COBL: variants seen among roughly 807,000 people sequenced by gnomAD.
COBL encodes the protein protein cordon-bleu.
A neutral mutation model predicts 98.8 loss-of-function variants in COBL; 51 were observed. The observed-to-expected ratio is 0.52, with a 90% CI of 0.41 to 0.65. The LOEUF (loss-of-function observed/expected upper bound fraction) is 0.65, where lower values mean the gene tolerates loss of function less well. Ranked by LOEUF, COBL falls within the 30% of genes least tolerant of loss-of-function variation. The pLI is 0.00. For missense variants in COBL, 1,617 were observed against 1,617.5 expected, an observed-to-expected ratio of 1.00 and a Z score of 0.01; for synonymous variants, 634 against 651.7, an observed-to-expected ratio of 0.97 and a Z score of 0.41.
intron 1 of COBL, among the ~76,000 whole-genome samples, chr7:51,310,766 C>T (rs1802952441): frequency 6.6e-6 from 1 of 152,224 alleles, no homozygotes; most frequent in East Asian, 1.9e-4. Context: ...TCAAGCGATT[C>T]TCCTGCCTCA....
intron 6 of COBL, among the ~76,000 whole-genome samples, chr7:51,097,763 C>T (rs1252408760): frequency 2.0e-5 from 3 of 152,106 alleles, no homozygotes; most frequent in Non-Finnish European, 4.4e-5. Flanking sequence ...GTGGCTCACA[C>T]CTGTAATCCC....
chr7:51,265,369 C>A (rs531383278), intron 1 of COBL, among the ~76,000 whole-genome samples: 1 of 152,164 alleles, frequency 6.6e-6, no homozygotes, highest in African/African-American at 2.4e-5. Flanking sequence ...CATCCACTGA[C>A]CCCAGCACGC....
At chr7:51,117,015 T>A (rs945436115) in intron 6 of COBL, among the ~76,000 whole-genome samples, 1 of 152,080 alleles carries the variant, frequency 6.6e-6, no homozygotes, top group Non-Finnish European at 1.5e-5. Context: ...ACATGTGCCA[T>A]GTTGGTGTGC....
rs1359388279 is a variant in COBL at position 51,243,592 on chromosome 7, C to T, written c.42-23648G>A. 2.6e-5 allele frequency among the ~76,000 whole-genome samples: 4 copies of T among 151,940 alleles called. No homozygotes were observed. In the East Asian group the frequency reaches 7.8e-4, roughly 30 times the overall value. ...GCCCTCAGCAGGAAAAAGGAGGCAA[C>T]ATAGCAAGCTGGGTGGAGCCCAAGA... On this transcript the variant is annotated intron_variant, in intron 1 of 12. Transcript: ENST00000265136.
chr7:51,084,482 T>C (rs759732890), intron 7 of COBL, among the ~76,000 whole-genome samples: 2 of 152,080 alleles, frequency 1.3e-5, no homozygotes, highest in Non-Finnish European at 2.9e-5. Flanking sequence ...AAATAACAAA[T>C]GCTGAATGAT....
chr7:51,309,981 A>T (rs1802858870), intron 1 of COBL, among the ~76,000 whole-genome samples: 1 of 152,236 alleles, frequency 6.6e-6, no homozygotes, highest in Non-Finnish European at 1.5e-5. Flanking sequence ...GGGGCAAGAA[A>T]GCTCTCCAGG....
intron 6 of COBL, among the ~76,000 whole-genome samples, chr7:51,107,084 GTTTGTTTGTTTTT>G (rs1477631457): frequency 1.2e-4 from 13 of 109,330 alleles, no homozygotes; most frequent in African/African-American, 4.4e-4. Context: ...TGTGATCCTA[GTTTGTTTGTTTTT>G]TTTTTTTTTT....
chr7:51,163,503 T>A (rs1431011910), intron 5 of COBL, among the ~76,000 whole-genome samples: 1 of 152,250 alleles, frequency 6.6e-6, no homozygotes, highest in Non-Finnish European at 1.5e-5. Context: ...TGTACTGCCC[T>A]AGGGCTTGAA....
intron 7 of COBL, among the ~76,000 whole-genome samples, chr7:51,070,539 G>A (rs1416712925): frequency 1.3e-5 from 2 of 152,080 alleles, no homozygotes; most frequent in African/African-American, 4.8e-5. Context: ...TGTTTGAAAG[G>A]CCCTCACTTT....
At chr7:51,221,375 C>A (rs1793623998) in intron 1 of COBL, among the ~76,000 whole-genome samples, 1 of 152,206 alleles carries the variant, frequency 6.6e-6, no homozygotes, top group Admixed American at 6.5e-5. Flanking sequence ...CAAAGATGGT[C>A]ATCACGACAT....
At chr7:51,034,765 A>G (rs906127216) in intron 8 of COBL, 25 of 152,212 alleles carry the variant, frequency 1.6e-4, no homozygotes, top group African/African-American at 5.8e-4. Context: ...AAACCTGCCC[A>G]GATGTTTTTC....
intron 6 of COBL, among the ~76,000 whole-genome samples, chr7:51,123,634 T>G (rs1039276724): frequency 1.3e-5 from 2 of 152,236 alleles, no homozygotes; most frequent in Non-Finnish European, 2.9e-5. Context: ...CAGGGGTACA[T>G]TTTTCCTTCA....
chr7:51,129,089 G>A (rs528491549), intron 6 of COBL, among the ~76,000 whole-genome samples: 19 of 152,142 alleles, frequency 1.2e-4, no homozygotes, highest in Non-Finnish European at 2.5e-4. Flanking sequence ...CAATTCTTTC[G>A]CTATTTGCGC....
intron 1 of COBL, among the ~76,000 whole-genome samples, chr7:51,278,640 A>G: frequency 6.6e-6 from 1 of 152,114 alleles, no homozygotes; most frequent in East Asian, 1.9e-4. Context: ...TCAGCCTCCC[A>G]AAGTGCTGGG....
chr7:51,308,906 C>T lies in COBL; in HGVS notation c.41+7687G>A, dbSNP rs1383968717. Among the ~76,000 whole-genome samples, 4 of 152,194 alleles carry T rather than the reference C, an allele frequency of 2.6e-5. No homozygotes were observed. The South Asian group carries it at 6.2e-4, about 24-fold the overall frequency. On this transcript the variant is annotated intron_variant, in intron 1 of 12. Transcript: ENST00000265136. ...CTGGCCTTTAAGATTACAGTCTAAACGTCACTTCCTCCCCTTAGATGTCTG... is the reference window on the plus strand; with the variant it reads ...CTGGCCTTTAAGATTACAGTCTAAATGTCACTTCCTCCCCTTAGATGTCTG...
In COBL at chr7:51,278,979, T is replaced by C. The variant is rs182065799; in HGVS notation, c.41+37614A>G. On this transcript the variant is annotated intron_variant, in intron 1 of 12. Coordinates refer to ENST00000265136, the MANE Select transcript of COBL (RefSeq NM_015198.5). ...AGCAGGCGGCAGGTGGCCGGGGAAA[T>C]GCTTTTCTCCTAAGACACTTGCAGT... Among the ~76,000 whole-genome samples the C allele has an allele frequency of 7.2e-5, 11 of 152,294 alleles. No homozygotes were observed. The East Asian group carries it at 1.9e-3, about 27-fold the overall frequency.
intron 2 of COBL, among the ~76,000 whole-genome samples, chr7:51,198,619 AG>A (rs1171148662): frequency 6.6e-6 from 1 of 152,230 alleles, no homozygotes; most frequent in Non-Finnish European, 1.5e-5. Context: ...AGTTGGGCAC[AG>A]GTTTTTTTCC....
chr7:51,316,669 C>G lies in COBL; in HGVS notation c.-36G>C. ...GCCGGGACGCGGGCGGTGCTCCGGG[C>G]CCGCCGAGTCAGGCGCTGGCTACCG... On this transcript the variant is annotated 5_prime_UTR_variant, in exon 1 of 13. Transcript: ENST00000265136. The G allele has an allele frequency of 8.4e-7, 1 of 1,189,240 alleles. No individual in the cohort carries two copies. 73.7% of individuals were successfully genotyped at this position (1,189,240 alleles called of 1,614,324 possible).
At chr7:51,217,194 G>A (rs1455428144) in intron 2 of COBL, among the ~76,000 whole-genome samples, 1 of 152,110 alleles carries the variant, frequency 6.6e-6, no homozygotes, top group Non-Finnish European at 1.5e-5. Flanking sequence ...CTTTATAAGG[G>A]AAATAAAAGA....
Sources: gnomAD v4.1 joint callset for allele counts (sites outside exome capture counted in the v4.1 genomes callset) on GRCh38, gnomAD v4.1.1 for gene constraint, MANE v1.5 for transcripts, NCBI Gene and HGNC (gene_info 2026-07-23, HGNC 2026-07-21) for gene names.